The following NRXN3 variants were observed in gnomAD, a reference collection of about 807,000 sequenced individuals.
NRXN3 encodes neurexin III.
NRXN3 carries 32 observed loss-of-function variants against 137.6 expected under a neutral mutation model. The observed-to-expected ratio is 0.23, with a 90% CI of 0.18 to 0.31. The LOEUF (loss-of-function observed/expected upper bound fraction) is 0.31. Ranked by LOEUF, NRXN3 falls within the 10% of genes least tolerant of loss-of-function variation. The pLI, the probability that NRXN3 is intolerant of heterozygous loss-of-function variation, is 1.00. For synonymous variants in NRXN3, 798 were observed against 784.5 expected (o/e 1.02, Z -0.29); for missense variants, 1,574 against 2,062.5 (o/e 0.76, Z 4.59).
chr14:79,174,837 TAAG>T (rs1413935002), intron 15 of NRXN3, among the ~76,000 whole-genome samples: 3 of 151,840 alleles, frequency 2.0e-5, no homozygotes, highest in African/African-American at 7.3e-5. Flanking sequence ...TGGAGAAAGA[TAAG>T]AATGATGCAG....
chr14:78,351,776 A>ATTTT (rs1298831069), intron 4 of NRXN3, among the ~76,000 whole-genome samples: 1 of 96,260 alleles, frequency 1.0e-5, no homozygotes, highest in South Asian at 3.3e-4. Flanking sequence ...ACTTTTTGGT[A>ATTTT]TTTTTCTTTT....
chr14:78,961,662 G>A (rs1346599509), intron 11 of NRXN3, among the ~76,000 whole-genome samples: 4 of 152,120 alleles, frequency 2.6e-5, no homozygotes, highest in Non-Finnish European at 5.9e-5. Context: ...TTACAGATGG[G>A]GATCTGAGGC....
chr14:79,558,825 T>C (rs538893208), intron 16 of NRXN3, among the ~76,000 whole-genome samples: 1 of 152,306 alleles, frequency 6.6e-6, no homozygotes, highest in East Asian at 1.9e-4. Flanking sequence ...TTTGTCTGCA[T>C]TGAAAATCTA....
At chr14:79,750,532 G>T (rs2098993960) in intron 19 of NRXN3, among the ~76,000 whole-genome samples, 1 of 152,060 alleles carries the variant, frequency 6.6e-6, no homozygotes, top group Admixed American at 6.6e-5. Context: ...GACATACTTT[G>T]TGAATTCATC....
chr14:79,030,609 A>G (rs1443229425), intron 15 of NRXN3, among the ~76,000 whole-genome samples: 3 of 132,274 alleles, frequency 2.3e-5, no homozygotes, highest in Non-Finnish European at 4.7e-5. Context: ...GTACAGGTAC[A>G]TGGCTTTTTG....
At chr14:79,560,261 G>C (rs776796373) in intron 16 of NRXN3, among the ~76,000 whole-genome samples, 2 of 151,794 alleles carry the variant, frequency 1.3e-5, no homozygotes, top group African/African-American at 4.8e-5. Context: ...CCTCTGGCCT[G>C]GTTCGTCAAA....
chr14:78,755,277 T>C (rs968156830), intron 8 of NRXN3, among the ~76,000 whole-genome samples: 8 of 151,920 alleles, frequency 5.3e-5, no homozygotes, highest in African/African-American at 1.9e-4. Flanking sequence ...TTCTCCCACC[T>C]TGGCCTCCCA....
chr14:79,056,647 C>A (rs1448642112), intron 15 of NRXN3, among the ~76,000 whole-genome samples: 1 of 152,156 alleles, frequency 6.6e-6, no homozygotes, highest in Non-Finnish European at 1.5e-5. Flanking sequence ...CCCACAGAAC[C>A]TTTAGATCTT....
At chr14:78,912,046 A>T (rs2099239840) in intron 10 of NRXN3, among the ~76,000 whole-genome samples, 1 of 151,558 alleles carries the variant, frequency 6.6e-6, no homozygotes, top group African/African-American at 2.4e-5. Flanking sequence ...CATTAGGTAT[A>T]TCTCCTAATG....
intron 10 of NRXN3, among the ~76,000 whole-genome samples, chr14:78,937,187 A>G (rs1254051485): frequency 1.2e-5 from 1 of 84,770 alleles, no homozygotes; most frequent in Non-Finnish European, 2.0e-5. Context: ...GTGCCATTGA[A>G]AAAAAAAAAA....
chr14:78,759,206 T>G (rs543962025), intron 8 of NRXN3, among the ~76,000 whole-genome samples: 16 of 152,248 alleles, frequency 1.1e-4, no homozygotes, highest in African/African-American at 3.9e-4. Context: ...AAGCTCACAC[T>G]CTGCCTCATG....
At chr14:78,297,641 A>G (rs547992697) in intron 3 of NRXN3, among the ~76,000 whole-genome samples, 190 bp from the exon 4 acceptor site, 2 of 152,210 alleles carry the variant, frequency 1.3e-5, no homozygotes, top group Non-Finnish European at 2.9e-5. Context: ...TGGGGTGTCC[A>G]TGTTTGTTGC....
At chr14:79,706,786 G>T (rs2098781762) in intron 19 of NRXN3, among the ~76,000 whole-genome samples, 1 of 152,116 alleles carries the variant, frequency 6.6e-6, no homozygotes, top group African/African-American at 2.4e-5. Flanking sequence ...TATAGATTAG[G>T]TGTATGACAC....
intron 10 of NRXN3, among the ~76,000 whole-genome samples, chr14:78,945,500 T>A (rs1221336006): frequency 1.3e-5 from 2 of 152,184 alleles, no homozygotes; most frequent in Non-Finnish European, 2.9e-5. Flanking sequence ...CTCTGAACCA[T>A]CCCTGATGCA....
chr14:79,065,579 A>G (rs1171885486), intron 15 of NRXN3, among the ~76,000 whole-genome samples: 1 of 152,110 alleles, frequency 6.6e-6, no homozygotes, highest in Admixed American at 6.6e-5. Flanking sequence ...CTTAAACAGA[A>G]AATGTGTTGT....
intron 16 of NRXN3, among the ~76,000 whole-genome samples, chr14:79,527,019 G>A (rs976896533): frequency 2.6e-5 from 4 of 152,184 alleles, no homozygotes; most frequent in African/African-American, 7.2e-5. Flanking sequence ...AGGCACAGTG[G>A]CTCACGCCTG....
At chr14:79,200,877 C>T (rs1270814503) in intron 15 of NRXN3, among the ~76,000 whole-genome samples, 1 of 119,394 alleles carries the variant, frequency 8.4e-6, no homozygotes, top group African/African-American at 3.2e-5. Context: ...TGTTTATCCT[C>T]AGGGGACAGA....
intron 4 of NRXN3, among the ~76,000 whole-genome samples, chr14:78,420,092 GA>G (rs2093376729): frequency 6.6e-6 from 1 of 151,672 alleles, no homozygotes; most frequent in Non-Finnish European, 1.5e-5. Flanking sequence ...AGGGAAGATG[GA>G]AAAAAAAGGT....
At chr14:79,673,255 C>T (rs992928994) in intron 17 of NRXN3, among the ~76,000 whole-genome samples, 1 of 152,058 alleles carries the variant, frequency 6.6e-6, no homozygotes, top group Non-Finnish European at 1.5e-5. Context: ...TTACAGTTTT[C>T]TCCATAAGAT....
Sources: allele counts gnomAD v4.1 joint callset (sites outside exome capture counted in the v4.1 genomes callset), GRCh38; gene constraint gnomAD v4.1.1; transcripts MANE v1.5; gene names NCBI Gene and HGNC (gene_info 2026-07-23, HGNC 2026-07-21).